Variants in KATNAL1 observed in about 807,000 individuals in gnomAD.
KATNAL1 encodes katanin p60 ATPase-containing subunit A-like 1.
KATNAL1 carries 32 observed loss-of-function variants against 55.2 expected under a neutral mutation model. That is an observed-to-expected ratio of 0.58 (90% CI 0.44 to 0.78). The LOEUF is 0.78. Among genes scored for constraint, KATNAL1 ranks in the 30% least tolerant of loss-of-function variants. The pLI, the probability that KATNAL1 is intolerant of heterozygous loss-of-function variation, is 0.00. For missense variants in KATNAL1, 466 were observed against 600.9 expected (o/e 0.78, Z 2.35); for synonymous variants, 193 against 193.6 (o/e 1.00, Z 0.02).
intron 3 of KATNAL1, among the ~76,000 whole-genome samples, chr13:30,269,624 A>G (rs1399523845): frequency 2.7e-5 from 4 of 149,954 alleles, no homozygotes; most frequent in African/African-American, 9.9e-5. Flanking sequence ...CTAGGAAGTG[A>G]GGAGCGCCTC....
intron 2 of KATNAL1, among the ~76,000 whole-genome samples, chr13:30,281,416 T>G (rs1881315256): frequency 6.6e-6 from 1 of 152,074 alleles, no homozygotes; most frequent in African/African-American, 2.4e-5. Flanking sequence ...TGAGTAGAAA[T>G]GGTCACTATT....
chr13:30,241,666 T>C (rs1227426520), intron 4 of KATNAL1, among the ~76,000 whole-genome samples: 1 of 152,188 alleles, frequency 6.6e-6, no homozygotes, highest in African/African-American at 2.4e-5. Flanking sequence ...CCCAGAGCTT[T>C]AGCCCCAGTT....
intron 1 of KATNAL1, among the ~76,000 whole-genome samples, chr13:30,297,136 C>T (rs117807729): frequency 0.02 from 2,931 of 147,784 alleles, 35 homozygotes; most frequent in Non-Finnish European, 0.031. Context: ...GAGTGAGACC[C>T]TGCCTCTAAA....
intron 10 of KATNAL1, 72 bp downstream of exon 10, chr13:30,210,236 CTAACTACA>C (rs1873544238): frequency 8.0e-7 from 1 of 1,242,326 alleles, no homozygotes; most frequent in Non-Finnish European, 1.1e-6. Context: ...CTACACTGGG[CTAACTACA>C]TTGACTTTAA....
rs1566091051 is a variant in KATNAL1 at position 30,225,075 on chromosome 13, CTTTT to C, written c.1147+2333_1147+2336del. On this transcript the variant is annotated intron_variant, in intron 9 of 10. Coordinates refer to ENST00000380615, the MANE Select transcript of KATNAL1 (RefSeq NM_032116.5). ...GTTTCTGCCACATTTCTTCCTTCAC[CTTTT>C]TTGACTTTTGAGCCAGGTATACATT... Among the ~76,000 whole-genome samples, 3 of 152,122 alleles carry C rather than the reference CTTTT, an allele frequency of 2.0e-5. No homozygotes were observed. The South Asian group carries it at 6.2e-4, about 32-fold the overall frequency.
chr13:30,305,471 T>C (rs2137580572), intron 1 of KATNAL1, among the ~76,000 whole-genome samples: 1 of 152,306 alleles, frequency 6.6e-6, no homozygotes, highest in South Asian at 2.1e-4. Flanking sequence ...AGAGTCAGGA[T>C]CTTTCTACTA....
At chr13:30,306,111 A>C (rs1883159770) in intron 1 of KATNAL1, among the ~76,000 whole-genome samples, 1 of 152,222 alleles carries the variant, frequency 6.6e-6, no homozygotes, top group Admixed American at 6.5e-5. Context: ...AACTTACTCC[A>C]TAAAGCAGCA....
At chr13:30,227,198 T>C (rs1426973195) in intron 9 of KATNAL1, among the ~76,000 whole-genome samples, 1 of 152,206 alleles carries the variant, frequency 6.6e-6, no homozygotes, top group Non-Finnish European at 1.5e-5. Context: ...AGTGCTACCA[T>C]ATTTATTAAG....
chr13:30,211,087 T>A (rs1873647817), intron 9 of KATNAL1, among the ~76,000 whole-genome samples: 1 of 152,228 alleles, frequency 6.6e-6, no homozygotes, highest in Admixed American at 6.5e-5. Context: ...TCACTAGTGC[T>A]TTTAGTGGCA....
chr13:30,209,145 T>A (rs1262961117), intron 10 of KATNAL1, among the ~76,000 whole-genome samples: 1 of 152,176 alleles, frequency 6.6e-6, no homozygotes, highest in Non-Finnish European at 1.5e-5. Context: ...AATAGAGGAA[T>A]AAAGACACGA....
chr13:30,273,883 C>T (rs1880558744), intron 3 of KATNAL1, among the ~76,000 whole-genome samples: 2 of 152,226 alleles, frequency 1.3e-5, no homozygotes, highest in Admixed American at 1.3e-4. Context: ...ATATTATCTG[C>T]TCCAATTTTT....
At position 30,229,448 on chromosome 13, in the gene KATNAL1, A is replaced by T. The variant is rs573296744; in HGVS notation, c.1012+1020T>A. Among the ~76,000 whole-genome samples, 115 of 152,346 alleles carry T rather than the reference A, an allele frequency of 7.5e-4. 1 individual carries two copies. In the South Asian group the frequency reaches 0.024, roughly 31 times the overall value. ...CTTAAAAATTACTGAGGCTGGGTGC[A>T]GTGGCTCATGTCTATAATCCTAGCA... On this transcript the variant is annotated intron_variant, in intron 8 of 10. Transcript: ENST00000380615.
intron 6 of KATNAL1, 108 bp downstream of exon 6, chr13:30,240,352 C>T: frequency 1.3e-6 from 1 of 747,970 alleles, no homozygotes; most frequent in South Asian, 1.8e-5. Context: ...TAAACTTCTC[C>T]CAACCTTTTC....
intron 1 of KATNAL1, among the ~76,000 whole-genome samples, chr13:30,306,430 T>C (rs1883181030): frequency 7.3e-6 from 1 of 136,894 alleles, no homozygotes; most frequent in African/African-American, 2.8e-5. Flanking sequence ...TCAAAATATG[T>C]GTAGGCAGTG....
chr13:30,267,549 T>C (rs2137495091), intron 3 of KATNAL1, among the ~76,000 whole-genome samples: 1 of 152,340 alleles, frequency 6.6e-6, no homozygotes, highest in East Asian at 1.9e-4. Context: ...AGAAGAGTCC[T>C]CAACTCAAAT....
At chr13:30,274,907 G>GCGCGCGCGCGCGCGCGCACA (rs869107567) in intron 3 of KATNAL1, among the ~76,000 whole-genome samples, 3 of 105,390 alleles carry the variant, frequency 2.8e-5, no homozygotes, top group African/African-American at 4.1e-5. Context: ...GCGCGCGCGC[G>GCGCGCGCGCGCGCGCGCACA]CACACACACA....
At chr13:30,221,317 T>A (rs755407789) in intron 9 of KATNAL1, among the ~76,000 whole-genome samples, 2 of 152,244 alleles carry the variant, frequency 1.3e-5, no homozygotes, top group Non-Finnish European at 1.5e-5. Flanking sequence ...ACTGTTTGCA[T>A]GTATTGGCCA....
rs1236512519 is a variant in KATNAL1, at chr13:30,208,713, G to A, written c.1300C>T (p.Arg434Trp). ...TCTGGACTTAAGCCATTGATACGCC[G>A]TCTCATTGCCATTAAAGAGGCATCC... ...CRDASLMAMR[R>W]RINGLSPEEI... is the part of the protein sequence containing the mutation. Residue 434 changes from arginine (R) to tryptophan (W), a missense_variant, in exon 11 of 11, where the codon CGG becomes TGG. Physicochemically the swap from Arg to Trp is moderately radical, Grantham distance 101. This residue lies in a region of KATNAL1 where 213 missense variants were observed against 308.6 expected (regional missense o/e 0.69). Coordinates refer to ENST00000380615, the MANE Select transcript of KATNAL1 (RefSeq NM_032116.5). The A allele has an allele frequency of 9.9e-6, 16 of 1,610,914 alleles. No individual in the cohort carries two copies. The highest frequency in any genetic ancestry group is 4.4e-5 in the South Asian group (4 of 90,144).
intron 9 of KATNAL1, among the ~76,000 whole-genome samples, chr13:30,220,344 C>T (rs1329977336): frequency 6.6e-6 from 1 of 151,982 alleles, no homozygotes; most frequent in African/African-American, 2.4e-5. Flanking sequence ...GCCTGTAATC[C>T]TGGCTACTTG....
Sources: allele counts gnomAD v4.1 joint callset (sites outside exome capture counted in the v4.1 genomes callset), GRCh38; gene constraint gnomAD v4.1.1; regional missense constraint gnomAD v4.1.1; transcripts MANE v1.5; gene names NCBI Gene and HGNC (gene_info 2026-07-23, HGNC 2026-07-21).